Variants in GRM5 observed in about 807,000 individuals in gnomAD.
GRM5 encodes the protein glutamate metabotropic receptor 5.
A neutral mutation model predicts 83.1 loss-of-function variants in GRM5; 19 were observed. That is an observed-to-expected ratio of 0.23 (90% CI 0.16 to 0.34). GRM5 has a LOEUF of 0.34. Ranked by LOEUF, GRM5 falls within the 10% of genes least tolerant of loss-of-function variation. The pLI, the probability that GRM5 is intolerant of heterozygous loss-of-function variation, is 1.00. For missense variants in GRM5, 1,160 were observed against 1,588.3 expected (o/e 0.73, Z 4.58); for synonymous variants, 675 against 633.6 (o/e 1.07, Z -0.98).
chr11:89,048,381 C>T (rs1441176675), intron 1 of GRM5, among the ~76,000 whole-genome samples: 1 of 152,044 alleles, frequency 6.6e-6, no homozygotes, highest in Non-Finnish European at 1.5e-5. Flanking sequence ...ACAGAGCATC[C>T]TAGAAGCAAA....
chr11:88,987,744 G>A (rs1382937955), intron 2 of GRM5, among the ~76,000 whole-genome samples: 1 of 151,826 alleles, frequency 6.6e-6, no homozygotes, highest in Non-Finnish European at 1.5e-5. Context: ...CCCCCAGCAG[G>A]GGCACACTGA....
chr11:88,572,776 T>C (rs1943029649), intron 7 of GRM5, among the ~76,000 whole-genome samples: 1 of 152,182 alleles, frequency 6.6e-6, no homozygotes. Flanking sequence ...GTTGTATTTT[T>C]TATCCCTGTT....
chr11:88,895,352 G>A (rs925374162), intron 2 of GRM5, among the ~76,000 whole-genome samples: 1 of 151,924 alleles, frequency 6.6e-6, no homozygotes, highest in Non-Finnish European at 1.5e-5. Flanking sequence ...AAGTTTGGCA[G>A]TAGACAAGTT....
chr11:88,818,338 T>G (rs1403739393), intron 3 of GRM5, among the ~76,000 whole-genome samples: 1 of 152,116 alleles, frequency 6.6e-6, no homozygotes, highest in Non-Finnish European at 1.5e-5. Context: ...ATTCCTCAAA[T>G]GCCTCCATTC....
intron 3 of GRM5, among the ~76,000 whole-genome samples, chr11:88,703,181 C>T (rs957639991): frequency 4.6e-5 from 7 of 152,000 alleles, no homozygotes; most frequent in African/African-American, 1.7e-4. Context: ...TGGGTCCTCT[C>T]CCCAGATAAC....
At chr11:88,960,601 A>T (rs1450747229) in intron 2 of GRM5, among the ~76,000 whole-genome samples, 1 of 152,198 alleles carries the variant, frequency 6.6e-6, no homozygotes, top group Admixed American at 6.5e-5. Flanking sequence ...GTAGTAGGGC[A>T]AGTGTGGAAG....
At chr11:88,837,688 G>A (rs1944116243) in intron 3 of GRM5, among the ~76,000 whole-genome samples, 1 of 152,072 alleles carries the variant, frequency 6.6e-6, no homozygotes, top group African/African-American at 2.4e-5. Context: ...AACATCAAAA[G>A]CCCCTGTTCA....
At chr11:88,773,942 T>G (rs1202654391) in intron 3 of GRM5, among the ~76,000 whole-genome samples, 1 of 152,232 alleles carries the variant, frequency 6.6e-6, no homozygotes, top group Non-Finnish European at 1.5e-5. Context: ...AAGGCTCTTT[T>G]TTGGTTCCAT....
intron 3 of GRM5, among the ~76,000 whole-genome samples, chr11:88,731,257 C>T (rs1256956373): frequency 6.6e-6 from 1 of 152,034 alleles, no homozygotes; most frequent in African/African-American, 2.4e-5. Context: ...ATACATGAGT[C>T]TCTAGTAATG....
Position 88,973,315 on chromosome 11 carries a change from C to A in GRM5, c.661+73897G>T, listed in dbSNP as rs373936346. Among the ~76,000 whole-genome samples the A allele has an allele frequency of 2.0e-4, 30 of 152,110 alleles. No homozygotes were observed. In the South Asian group the frequency reaches 6.0e-3, roughly 31 times the overall value. On this transcript the variant is annotated intron_variant, in intron 2 of 9. Transcript: ENST00000305447. ...CCCCTAAAGGTATCAGGTTCTGAAACCTACACCTGTTTAAGTGTTGTCATA... is the reference window on the plus strand; with the variant it reads ...CCCCTAAAGGTATCAGGTTCTGAAAACTACACCTGTTTAAGTGTTGTCATA...
At chr11:88,884,203 G>T (rs1945005784) in intron 2 of GRM5, among the ~76,000 whole-genome samples, 1 of 152,194 alleles carries the variant, frequency 6.6e-6, no homozygotes, top group Admixed American at 6.5e-5. Flanking sequence ...GGGCAGAGTT[G>T]CCCCAAGACA....
chr11:88,735,600 C>T (rs1450319901), intron 3 of GRM5, among the ~76,000 whole-genome samples: 1 of 152,042 alleles, frequency 6.6e-6, no homozygotes, highest in Non-Finnish European at 1.5e-5. Flanking sequence ...TGCCTTCACG[C>T]CTGATATCCT....
At chr11:88,602,518 G>A (rs1325328556) in intron 5 of GRM5, among the ~76,000 whole-genome samples, 4 of 152,136 alleles carry the variant, frequency 2.6e-5, no homozygotes, top group Non-Finnish European at 5.9e-5. Context: ...ATCACCCCAG[G>A]ATCCTTTGCT....
At chr11:88,973,990 A>T (rs1565315844) in intron 2 of GRM5, among the ~76,000 whole-genome samples, 2 of 152,276 alleles carry the variant, frequency 1.3e-5, no homozygotes, top group East Asian at 3.9e-4. Flanking sequence ...TTCTAGAGGG[A>T]TTCAGACATT....
At chr11:88,691,088 G>A (rs547492544) in intron 3 of GRM5, among the ~76,000 whole-genome samples, 22 of 152,300 alleles carry the variant, frequency 1.4e-4, no homozygotes, top group African/African-American at 4.6e-4. Context: ...GGAAACTAAC[G>A]TTAAGCCCTT....
intron 3 of GRM5, among the ~76,000 whole-genome samples, chr11:88,719,764 C>CATGAG (rs1447993983): frequency 6.6e-6 from 1 of 151,918 alleles, no homozygotes; most frequent in Non-Finnish European, 1.5e-5. Context: ...TTCTGACTGG[C>CATGAG]ATGAGATGGT....
intron 3 of GRM5, among the ~76,000 whole-genome samples, chr11:88,773,445 CTTTAG>C (rs1395175060): frequency 6.6e-6 from 1 of 152,106 alleles, no homozygotes; most frequent in Non-Finnish European, 1.5e-5. Flanking sequence ...TGCAGAAGCT[CTTTAG>C]TTTAATTAGA....
At chr11:88,692,495 C>T (rs919680345) in intron 3 of GRM5, among the ~76,000 whole-genome samples, 7 of 152,256 alleles carry the variant, frequency 4.6e-5, no homozygotes, top group African/African-American at 7.2e-5. Flanking sequence ...TTATGACATC[C>T]GAAAGTCCCA....
intron 3 of GRM5, among the ~76,000 whole-genome samples, chr11:88,756,200 C>T (rs182733345): frequency 6.6e-6 from 1 of 152,132 alleles, no homozygotes; most frequent in East Asian, 1.9e-4. Flanking sequence ...ATAAAATTGC[C>T]ATTTAGAATA....
Sources: allele counts gnomAD v4.1 joint callset (sites outside exome capture counted in the v4.1 genomes callset), GRCh38; gene constraint gnomAD v4.1.1; transcripts MANE v1.5; gene names NCBI Gene and HGNC (gene_info 2026-07-23, HGNC 2026-07-21).